The following MARCHF8 variants were observed in gnomAD, a reference collection of about 807,000 sequenced individuals.
The protein encoded by MARCHF8 is membrane associated ring-CH-type finger 8.
In MARCHF8, 40 loss-of-function variants were observed where a neutral mutation model predicts 51.6. The ratio of observed to expected loss-of-function variants is 0.77; its 90% CI spans 0.60 to 1.01. The LOEUF is 1.01. Among genes scored for constraint, MARCHF8 ranks in the 50% least tolerant of loss-of-function variants. The probability of loss-of-function intolerance (pLI) is 0.00; values close to 1 mark genes in which losing one functional copy is unlikely to be tolerated. For missense variants in MARCHF8, 685 were observed against 708.6 expected, an observed-to-expected ratio of 0.97 and a Z score of 0.38; for synonymous variants, 263 against 280.3, an observed-to-expected ratio of 0.94 and a Z score of 0.62.
upstream of MARCHF8, among the ~76,000 whole-genome samples, chr10:45,537,348 C>A (rs891885402): frequency 2.6e-5 from 4 of 152,066 alleles, no homozygotes; most frequent in South Asian, 8.3e-4. Context: ...TATGGACGAA[C>A]CTTTAAAAAG....
chr10:45,511,657 G>A (rs1366633166), intron 2 of MARCHF8, among the ~76,000 whole-genome samples: 1 of 152,260 alleles, frequency 6.6e-6, no homozygotes, highest in Non-Finnish European at 1.5e-5. Flanking sequence ...TGATCCGCCA[G>A]CCTCGGCCTC....
chr10:45,466,968 T>G (rs1247988813), intron 3 of MARCHF8, among the ~76,000 whole-genome samples: 1 of 152,146 alleles, frequency 6.6e-6, no homozygotes, highest in African/African-American at 2.4e-5. Flanking sequence ...TCAGGACATG[T>G]GTTCACTTCC....
intron 3 of MARCHF8, among the ~76,000 whole-genome samples, chr10:45,487,790 T>G (rs1288468759): frequency 6.6e-6 from 1 of 151,972 alleles, no homozygotes; most frequent in Non-Finnish European, 1.5e-5. Context: ...TAAGGTGACC[T>G]GAATGAAAAC....
At chr10:45,588,193 C>T (rs527631894) in intron 1 of MARCHF8, among the ~76,000 whole-genome samples, 1 of 151,034 alleles carries the variant, frequency 6.6e-6, no homozygotes, top group African/African-American at 2.4e-5. Flanking sequence ...TCCTTACAAA[C>T]TGTGAAAACA....
chr10:45,519,951 G>C (rs1264112891), intron 2 of MARCHF8, among the ~76,000 whole-genome samples: 1 of 152,212 alleles, frequency 6.6e-6, no homozygotes, highest in Non-Finnish European at 1.5e-5. Flanking sequence ...ACAAATAAGA[G>C]CAGCAGCTCT....
chr10:45,492,225 G>C (rs1410854610), intron 2 of MARCHF8, among the ~76,000 whole-genome samples: 1 of 151,978 alleles, frequency 6.6e-6, no homozygotes, highest in Non-Finnish European at 1.5e-5. Flanking sequence ...TAACAGTTCA[G>C]TTCCAGCAGA....
intron 1 of MARCHF8, among the ~76,000 whole-genome samples, chr10:45,546,231 G>C (rs536882016): frequency 6.6e-6 from 1 of 151,934 alleles, no homozygotes; most frequent in South Asian, 2.1e-4. Flanking sequence ...TGCAATCTCG[G>C]CTCACTGAAA....
chr10:45,556,652 G>A (rs1013963648), intron 1 of MARCHF8, among the ~76,000 whole-genome samples: 1 of 152,190 alleles, frequency 6.6e-6, no homozygotes, highest in Non-Finnish European at 1.5e-5. Flanking sequence ...TGTTAAAACG[G>A]CTTCTCCGGT....
chr10:45,485,239 G>A (rs2042958787), intron 3 of MARCHF8, among the ~76,000 whole-genome samples: 1 of 152,158 alleles, frequency 6.6e-6, no homozygotes, highest in South Asian at 2.1e-4. Flanking sequence ...GGGTGAAGGT[G>A]CAATGGAAAA....
intron 1 of MARCHF8, among the ~76,000 whole-genome samples, chr10:45,569,064 CAAAAAAAAAA>C (rs71023131): frequency 1.8e-3 from 119 of 64,414 alleles, no homozygotes; most frequent in African/African-American, 6.3e-3. Context: ...GACTCCATCT[CAAAAAAAAAA>C]AAAAAAAAAA....
At chr10:45,594,062 A>C (rs1480887380) in intron 1 of MARCHF8, among the ~76,000 whole-genome samples, 1 of 152,198 alleles carries the variant, frequency 6.6e-6, no homozygotes, top group Non-Finnish European at 1.5e-5. Flanking sequence ...TAAGAAAAAA[A>C]GGTTTTGTTG....
Position 45,459,284 on chromosome 10 carries a change from G to C in MARCHF8, c.1270-17C>G, listed in dbSNP as rs747552017. On this transcript the variant is annotated splice_polypyrimidine_tract_variant and intron_variant, in intron 6 of 7. Transcript: ENST00000453424. ...CTTCTCCCACTAGAAAGACAACACA[G>C]AGTGTGAGGCTCAGGCTTCTGGGGA... is the stretch of plus-strand genomic sequence containing the variant. 2 of 1,613,298 alleles carry C rather than the reference G, an allele frequency of 1.2e-6. No individual in the cohort carries two copies. The highest frequency in any genetic ancestry group is 1.7e-6 in the Non-Finnish European group (2 of 1,179,716).
intron 3 of MARCHF8, among the ~76,000 whole-genome samples, chr10:45,468,964 A>G (rs1461239726): frequency 6.6e-6 from 1 of 152,156 alleles, no homozygotes; most frequent in Non-Finnish European, 1.5e-5. Flanking sequence ...CAATTCTTTT[A>G]GGAATTCATC....
chr10:45,498,318 C>A (rs1350210117), intron 2 of MARCHF8, among the ~76,000 whole-genome samples: 2 of 152,242 alleles, frequency 1.3e-5, no homozygotes, highest in African/African-American at 4.8e-5. Context: ...TATCTTCCTA[C>A]CCCCGAAATA....
chr10:45,546,189 C>T (rs1025101248), intron 1 of MARCHF8, among the ~76,000 whole-genome samples: 2 of 148,952 alleles, frequency 1.3e-5, no homozygotes, highest in Non-Finnish European at 3.0e-5. Context: ...GAGACAGGGT[C>T]TCGCTCTGTT....
intron 1 of MARCHF8, among the ~76,000 whole-genome samples, chr10:45,555,066 T>C (rs866394216): frequency 6.7e-6 from 1 of 149,940 alleles, no homozygotes; most frequent in Non-Finnish European, 1.5e-5. Context: ...AAAATAAAAA[T>C]AAGAAATAAA....
intron 3 of MARCHF8, among the ~76,000 whole-genome samples, chr10:45,465,899 G>A (rs1690421968): frequency 6.6e-6 from 1 of 152,172 alleles, no homozygotes; most frequent in Non-Finnish European, 1.5e-5. Context: ...AGTTTACTTG[G>A]ACACATGAAA....
rs189199397 is a variant in MARCHF8 at position 45,490,290 on chromosome 10, T to C, written c.103-873A>G. ...CTATTTGGAATAGGGACTTTAAAGATGTAATTAAGTTTACATGAGGTCAAT... is the reference window on the plus strand; with the variant it reads ...CTATTTGGAATAGGGACTTTAAAGACGTAATTAAGTTTACATGAGGTCAAT... On this transcript the variant is annotated intron_variant, in intron 2 of 7. Transcript: ENST00000453424. Among the ~76,000 whole-genome samples the C allele has an allele frequency of 8.5e-4, 130 of 152,334 alleles. 3 individuals carry two copies. Among genetic ancestry groups the C allele is most frequent in the Admixed American group, 7.0e-3 (107 of 15,304 alleles).
At chr10:45,505,606 C>G (rs2043365155) in intron 2 of MARCHF8, among the ~76,000 whole-genome samples, 1 of 152,166 alleles carries the variant, frequency 6.6e-6, no homozygotes, top group Non-Finnish European at 1.5e-5. Flanking sequence ...TTGCTTTAGG[C>G]CAATTAGAGC....
Sources: allele counts gnomAD v4.1 joint callset (sites outside exome capture counted in the v4.1 genomes callset), GRCh38; gene constraint gnomAD v4.1.1; transcripts MANE v1.5; gene names NCBI Gene and HGNC (gene_info 2026-07-23, HGNC 2026-07-21).